MKLN1: variants seen among roughly 807,000 people sequenced by gnomAD.
The protein encoded by MKLN1 is muskelin 1.
MKLN1 carries 18 observed loss-of-function variants against 99.0 expected under a neutral mutation model. That is an observed-to-expected ratio of 0.18 (90% CI 0.13 to 0.27). The LOEUF (loss-of-function observed/expected upper bound fraction) is 0.27, where lower values mean the gene tolerates loss of function less well. Ranked by LOEUF, MKLN1 falls within the 10% of genes least tolerant of loss-of-function variation. The probability of loss-of-function intolerance (pLI) is 1.00; values close to 1 mark genes in which losing one functional copy is unlikely to be tolerated. For missense variants in MKLN1, 621 were observed against 875.9 expected (o/e 0.71, Z 3.67); for synonymous variants, 288 against 293.2 (o/e 0.98, Z 0.18).
intron 2 of MKLN1, among the ~76,000 whole-genome samples, chr7:131,382,436 G>T (rs552777723): frequency 6.6e-6 from 1 of 151,808 alleles, no homozygotes; most frequent in East Asian, 1.9e-4. Context: ...AATGATTAAT[G>T]ATGTTACCAT....
chr7:131,110,832 C>T (rs1236164525), intron 1 of MKLN1, among the ~76,000 whole-genome samples: 1 of 152,240 alleles, frequency 6.6e-6, no homozygotes, highest in Non-Finnish European at 1.5e-5. Flanking sequence ...CTCCTCACCA[C>T]ACAAACTGCC....
intron 3 of MKLN1, among the ~76,000 whole-genome samples, chr7:131,304,946 G>T (rs551183524): frequency 2.0e-5 from 3 of 152,274 alleles, no homozygotes; most frequent in African/African-American, 7.2e-5. Flanking sequence ...TAAAAGGGCT[G>T]GAAGGAGCTA....
chr7:131,210,774 C>G (rs1485248937), intron 3 of MKLN1, among the ~76,000 whole-genome samples: 2 of 44,858 alleles, frequency 4.5e-5, no homozygotes, highest in African/African-American at 8.8e-5. Context: ...GGGAGGGGAG[C>G]ATTAAGCATA....
chr7:131,315,240 G>C (rs1584592488), intron 3 of MKLN1, among the ~76,000 whole-genome samples: 1 of 152,052 alleles, frequency 6.6e-6, no homozygotes, highest in Non-Finnish European at 1.5e-5. Context: ...CATTGGGACT[G>C]GTTAGACAGT....
At chr7:131,247,235 C>CTTT (rs72068521) in intron 3 of MKLN1, among the ~76,000 whole-genome samples, 2 of 141,146 alleles carry the variant, frequency 1.4e-5, no homozygotes, top group Non-Finnish European at 1.5e-5. Context: ...TTTCTTTTTT[C>CTTT]TTTTTTTTTT....
chr7:131,482,390 A>G (rs1797150204), intron 17 of MKLN1, among the ~76,000 whole-genome samples: 1 of 152,064 alleles, frequency 6.6e-6, no homozygotes, highest in South Asian at 2.1e-4. Context: ...CATTTTTTGT[A>G]GAGATGAGAT....
intron 2 of MKLN1, among the ~76,000 whole-genome samples, chr7:131,174,757 T>C (rs556960822): frequency 2.6e-5 from 4 of 152,294 alleles, no homozygotes; most frequent in South Asian, 4.1e-4. Context: ...TTGATGAGAA[T>C]TGATAATTCA....
chr7:131,311,348 G>A (rs1465150112), intron 3 of MKLN1: 1 of 152,098 alleles, frequency 6.6e-6, no homozygotes, highest in African/African-American at 2.4e-5. Flanking sequence ...CAATTGACAA[G>A]GAAATTTGGT....
intron 3 of MKLN1, among the ~76,000 whole-genome samples, chr7:131,291,226 G>C (rs764802886): frequency 6.6e-6 from 1 of 151,570 alleles, no homozygotes; most frequent in African/African-American, 2.4e-5. Flanking sequence ...CGCCTCCCAG[G>C]TTCAAGCAAT....
intron 3 of MKLN1, among the ~76,000 whole-genome samples, chr7:131,289,910 T>TTGTG (rs924428479): frequency 6.6e-6 from 1 of 152,206 alleles, no homozygotes; most frequent in African/African-American, 2.4e-5. Flanking sequence ...CCAAGGGCCT[T>TTGTG]TTTGTTTGTT....
intron 8 of MKLN1, among the ~76,000 whole-genome samples, chr7:131,419,120 A>G (rs1420235768): frequency 6.6e-6 from 1 of 151,804 alleles, no homozygotes; most frequent in African/African-American, 2.4e-5. Context: ...GTTTGTTTAC[A>G]TGAAGCTTCA....
At chr7:131,146,990 G>A (rs1347156635) in intron 2 of MKLN1, among the ~76,000 whole-genome samples, 1 of 152,060 alleles carries the variant, frequency 6.6e-6, no homozygotes, top group Non-Finnish European at 1.5e-5. Context: ...GAACAGAAAG[G>A]AAATGATTCT....
At chr7:131,472,594 ATGTGTGTGTG>A (rs5887506) in intron 16 of MKLN1, among the ~76,000 whole-genome samples, 8 of 150,100 alleles carry the variant, frequency 5.3e-5, no homozygotes, top group African/African-American at 1.2e-4. Context: ...TGAAGTGTGT[ATGTGTGTGTG>A]TGTGTGTGTG....
intron 3 of MKLN1, among the ~76,000 whole-genome samples, chr7:131,245,483 G>T (rs1303948115): frequency 6.6e-6 from 1 of 152,120 alleles, no homozygotes; most frequent in Non-Finnish European, 1.5e-5. Flanking sequence ...AGCCAGGCTG[G>T]TCTCGAATTC....
intron 1 of MKLN1, among the ~76,000 whole-genome samples, chr7:131,356,062 ATTTTT>A (rs375785189): frequency 1.7e-5 from 2 of 116,168 alleles, no homozygotes; most frequent in African/African-American, 3.2e-5. Flanking sequence ...TAGTTCCCCT[ATTTTT>A]TTTTTTTTTT....
At chr7:131,259,821 A>G (rs1478459763) in intron 3 of MKLN1, among the ~76,000 whole-genome samples, 2 of 152,214 alleles carry the variant, frequency 1.3e-5, no homozygotes, top group Non-Finnish European at 2.9e-5. Context: ...CTCTACACTC[A>G]TTAAGAATAA....
chr7:131,469,485 A>T (rs1202498119), intron 15 of MKLN1, among the ~76,000 whole-genome samples: 1 of 152,214 alleles, frequency 6.6e-6, no homozygotes, highest in African/African-American at 2.4e-5. Flanking sequence ...TGTGGACAAG[A>T]TGGTAAAGTA....
At chr7:131,353,923 A>C (rs1455551849) in intron 1 of MKLN1, among the ~76,000 whole-genome samples, 1 of 147,980 alleles carries the variant, frequency 6.8e-6, no homozygotes, top group Admixed American at 6.7e-5. Flanking sequence ...AAAAAAAAAA[A>C]ACCAGTTGGG....
chr7:131,224,046 G>C (rs890999663), intron 3 of MKLN1, among the ~76,000 whole-genome samples: 2 of 152,016 alleles, frequency 1.3e-5, no homozygotes, highest in Non-Finnish European at 2.9e-5. Flanking sequence ...TTACAGGTGT[G>C]AGCCGCTGAA....
Sources: gnomAD v4.1 joint callset for allele counts (sites outside exome capture counted in the v4.1 genomes callset) on GRCh38, gnomAD v4.1.1 for gene constraint, MANE v1.5 for transcripts, NCBI Gene and HGNC (gene_info 2026-07-23, HGNC 2026-07-21) for gene names.